The following ITPR2 variants were observed in gnomAD, a reference collection of about 807,000 sequenced individuals.
ITPR2 encodes inositol 1,4,5-trisphosphate receptor type 2, also known as inositol 1,4,5-trisphosphate-gated calcium channel ITPR2.
ITPR2 carries 207 observed loss-of-function variants against 317.1 expected under a neutral mutation model. The ratio of observed to expected loss-of-function variants is 0.65; its 90% CI spans 0.58 to 0.73. The LOEUF is 0.73. ITPR2 is among the 30% of genes least tolerant of loss of function. ITPR2 has a pLI of 0.00. For missense variants in ITPR2, 2,613 were observed against 3,284.0 expected, an observed-to-expected ratio of 0.80 and a Z score of 4.99; for synonymous variants, 1,156 against 1,149.1, an observed-to-expected ratio of 1.01 and a Z score of -0.12.
At chr12:26,473,108 A>G (rs1257754026) in intron 45 of ITPR2, among the ~76,000 whole-genome samples, 2 of 152,110 alleles carry the variant, frequency 1.3e-5, no homozygotes, top group African/African-American at 2.4e-5. Context: ...GCTGCTCTTG[A>G]ACTCCTGACT....
intron 13 of ITPR2, among the ~76,000 whole-genome samples, chr12:26,674,817 C>T (rs1439937354): frequency 1.3e-5 from 2 of 151,960 alleles, no homozygotes; most frequent in Non-Finnish European, 2.9e-5. Flanking sequence ...GGCTAATATC[C>T]AGAATCTACA....
intron 34 of ITPR2, among the ~76,000 whole-genome samples, chr12:26,570,309 G>C (rs1259433131): frequency 6.6e-6 from 1 of 152,048 alleles, no homozygotes; most frequent in African/African-American, 2.4e-5. Context: ...TTATAAATCA[G>C]TTGAGTTAAT....
chr12:26,508,119 C>T (rs1943240123), intron 37 of ITPR2, among the ~76,000 whole-genome samples: 1 of 152,124 alleles, frequency 6.6e-6, no homozygotes. Flanking sequence ...TTCTCTCCTG[C>T]ATGTTTTAAC....
intron 37 of ITPR2, among the ~76,000 whole-genome samples, chr12:26,517,339 C>A (rs757574934): frequency 6.6e-6 from 1 of 152,058 alleles, no homozygotes; most frequent in South Asian, 2.1e-4. Flanking sequence ...GGATTTTAAA[C>A]AAAATTAACA....
intron 11 of ITPR2, among the ~76,000 whole-genome samples, chr12:26,686,002 C>T (rs765489367): frequency 1.3e-5 from 2 of 152,134 alleles, no homozygotes; most frequent in Non-Finnish European, 2.9e-5. Flanking sequence ...CTGCCTGTCT[C>T]CCCCATTTGA....
chr12:26,475,789 C>T (rs2136822258), intron 44 of ITPR2, among the ~76,000 whole-genome samples: 1 of 152,214 alleles, frequency 6.6e-6, no homozygotes, highest in East Asian at 1.9e-4. Context: ...AGAGAGTACC[C>T]TCATGGAACT....
intron 31 of ITPR2, among the ~76,000 whole-genome samples, chr12:26,596,444 C>T (rs997664908): frequency 6.6e-6 from 1 of 152,014 alleles, no homozygotes; most frequent in Non-Finnish European, 1.5e-5. Flanking sequence ...GTCAGGAGTT[C>T]GAGACCAGCC....
chr12:26,585,785 T>C (rs1053396281), intron 32 of ITPR2, among the ~76,000 whole-genome samples: 1 of 152,114 alleles, frequency 6.6e-6, no homozygotes, highest in African/African-American at 2.4e-5. Flanking sequence ...GTATGAAGGG[T>C]TTTTCTAAAC....
chr12:26,496,138 A>G (rs1012874202), intron 37 of ITPR2, among the ~76,000 whole-genome samples: 1 of 152,244 alleles, frequency 6.6e-6, no homozygotes, highest in Admixed American at 6.5e-5. Context: ...TATTTAAGGA[A>G]TACTTGTTTA....
intron 13 of ITPR2, among the ~76,000 whole-genome samples, chr12:26,669,741 G>A (rs181382000): frequency 6.6e-6 from 1 of 152,380 alleles, no homozygotes; most frequent in African/African-American, 2.4e-5. Flanking sequence ...GAAGCAGTGC[G>A]AGGCATTGCC....
At chr12:26,456,530 C>G (rs754978724) in intron 45 of ITPR2, among the ~76,000 whole-genome samples, 18 of 152,184 alleles carry the variant, frequency 1.2e-4, no homozygotes, top group Non-Finnish European at 2.5e-4. Flanking sequence ...CGGTGCTGCT[C>G]TGTTTATGGA....
intron 37 of ITPR2, among the ~76,000 whole-genome samples, chr12:26,523,929 T>C (rs1394397798): frequency 6.6e-6 from 1 of 152,220 alleles, no homozygotes; most frequent in Non-Finnish European, 1.5e-5. Context: ...CTCAGTGGCT[T>C]GGCAGTCTGT....
At chr12:26,482,543 T>A (rs191491296) in intron 42 of ITPR2, among the ~76,000 whole-genome samples, 10 of 152,248 alleles carry the variant, frequency 6.6e-5, no homozygotes, top group Non-Finnish European at 1.3e-4. Flanking sequence ...TGAATTTGTA[T>A]GTTTTTCCTT....
chr12:26,344,026 G>A (rs899554246), intron 55 of ITPR2, among the ~76,000 whole-genome samples: 1 of 152,124 alleles, frequency 6.6e-6, no homozygotes. Context: ...TCATGGGGGT[G>A]GGGATTGGTG....
chr12:26,515,677 A>G (rs548644183), intron 37 of ITPR2, among the ~76,000 whole-genome samples: 54 of 152,256 alleles, frequency 3.5e-4, no homozygotes, highest in African/African-American at 1.2e-3. Context: ...GAGAGTGGCC[A>G]CATGGCCGAG....
chr12:26,827,456 G>T (rs1181975690), intron 1 of ITPR2, among the ~76,000 whole-genome samples: 1 of 152,096 alleles, frequency 6.6e-6, no homozygotes, highest in East Asian at 1.9e-4. Flanking sequence ...TGAGAAGCTG[G>T]GCCACTAAGC....
chr12:26,779,272 A>G (rs1391644231), intron 2 of ITPR2, among the ~76,000 whole-genome samples: 1 of 152,168 alleles, frequency 6.6e-6, no homozygotes, highest in Non-Finnish European at 1.5e-5. Context: ...TCCTTTGGAG[A>G]GACAGCTCTT....
intron 31 of ITPR2, among the ~76,000 whole-genome samples, chr12:26,596,437 A>G (rs1306705277): frequency 1.3e-5 from 2 of 152,310 alleles, no homozygotes; most frequent in Middle Eastern, 3.4e-3. Flanking sequence ...ACCTGAGGTC[A>G]GGAGTTCGAG....
At position 26,433,983 on chromosome 12, in the gene ITPR2, AT is replaced by A. The variant is rs568762610; in HGVS notation, c.6769+2237del. ...ACTTCATACTTTCTAAGATTTAAAA[AT>A]ATATAGGGTAAATTAAAAAACATTT... is the stretch of plus-strand genomic sequence containing the variant. On this transcript the variant is annotated intron_variant, in intron 48 of 56. Transcript: ENST00000381340. 3.3e-5 allele frequency among the ~76,000 whole-genome samples: 5 copies of A among 152,346 alleles called. No homozygotes were observed. The East Asian group carries it at 9.6e-4, about 29-fold the overall frequency.
Sources: gnomAD v4.1 joint callset for allele counts (sites outside exome capture counted in the v4.1 genomes callset) on GRCh38, gnomAD v4.1.1 for gene constraint, MANE v1.5 for transcripts, NCBI Gene and HGNC (gene_info 2026-07-23, HGNC 2026-07-21) for gene names.